The following PNPLA8 variants were observed in gnomAD, a reference collection of about 807,000 sequenced individuals.
PNPLA8 encodes patatin like domain 8, phospholipase A2, also known as calcium-independent phospholipase A2-gamma.
A neutral mutation model predicts 76.9 loss-of-function variants in PNPLA8; 39 were observed. That is an observed-to-expected ratio of 0.51 (90% CI 0.39 to 0.66). PNPLA8 has a LOEUF of 0.66. Among genes scored for constraint, PNPLA8 ranks in the 30% least tolerant of loss-of-function variants. The pLI is 0.00. For synonymous variants in PNPLA8, 301 were observed against 307.9 expected, an observed-to-expected ratio of 0.98 and a Z score of 0.24; for missense variants, 887 against 918.0, an observed-to-expected ratio of 0.97 and a Z score of 0.44.
chr7:108,513,478 A>G (rs2154516617), intron 4 of PNPLA8, among the ~76,000 whole-genome samples: 1 of 152,214 alleles, frequency 6.6e-6, no homozygotes, highest in South Asian at 2.1e-4. Flanking sequence ...ATAAGCACTA[A>G]TAGATTTCTA....
At position 108,471,965 on chromosome 7, in the gene PNPLA8, T is replaced by C. The variant is rs1021210334; in HGVS notation, c.*436A>G. The C allele has an allele frequency of 1.3e-5, 2 of 152,546 alleles. No individual in the cohort carries two copies. Among genetic ancestry groups the C allele is most frequent in the Non-Finnish European group, 2.9e-5 (2 of 68,326 alleles). The allele number at this position is 152,546 out of a possible 1,614,324, so 9.4% of individuals were successfully genotyped here. On this transcript the variant is annotated 3_prime_UTR_variant, in exon 11 of 11. Coordinates refer to ENST00000257694, the MANE Select transcript of PNPLA8 (RefSeq NM_001256007.3). ...GAACATAGCTAGTGAGAATATTAGG[T>C]AATGTAAATTTAAGAAGAAATTAGC...
At chr7:108,495,705 G>A (rs1861496976) in intron 7 of PNPLA8, among the ~76,000 whole-genome samples, 1 of 151,996 alleles carries the variant, frequency 6.6e-6, no homozygotes, top group South Asian at 2.1e-4. Context: ...TGACAGCATT[G>A]TTCATAATCC....
At chr7:108,507,695 A>T (rs71568526) in intron 4 of PNPLA8, among the ~76,000 whole-genome samples, 2,811 of 152,056 alleles carry the variant, frequency 0.018, 45 homozygotes, top group Middle Eastern at 0.031. Context: ...AGTCCATAAT[A>T]TTTTTTTTAA....
intron 9 of PNPLA8, among the ~76,000 whole-genome samples, chr7:108,479,736 A>T (rs907513445): frequency 6.6e-6 from 1 of 152,224 alleles, no homozygotes; most frequent in Non-Finnish European, 1.5e-5. Context: ...TCTACCAAAC[A>T]ATTAAAATTA....
Position 108,514,178 on chromosome 7 carries a change from A to G in PNPLA8, c.1172T>C (p.Leu391Pro), listed in dbSNP as rs1863126584. ...TRVEELTFHL[L>P]EFPEGKGVAV... ...CACTCCTTTTCCTTCAGGAAATTCT[A>G]GAAGATGAAAAGTCAGTTCTTCAAC... The change falls in exon 4 of 11, where the codon CTA (leucine) becomes CCA (proline). Residue 391 changes from leucine (L) to proline (P), a missense_variant. Transcript: ENST00000257694. 6.2e-7 allele frequency: 1 copy of G among 1,607,354 alleles called. No homozygotes were observed. Among genetic ancestry groups the G allele is most frequent in the Non-Finnish European group, 8.5e-7 (1 of 1,175,198 alleles).
At chr7:108,499,184 C>G (rs1388816552) in intron 5 of PNPLA8, among the ~76,000 whole-genome samples, 1 of 152,092 alleles carries the variant, frequency 6.6e-6, no homozygotes, top group African/African-American at 2.4e-5. Flanking sequence ...TATGTTCACA[C>G]AGAAAAAGAT....
At chr7:108,517,514 T>C (rs1484901484) in intron 2 of PNPLA8, among the ~76,000 whole-genome samples, 1 of 152,182 alleles carries the variant, frequency 6.6e-6, no homozygotes, top group Non-Finnish European at 1.5e-5. Context: ...TGTATTTTAG[T>C]AAGTGAATGG....
intron 5 of PNPLA8, among the ~76,000 whole-genome samples, chr7:108,501,741 T>C (rs1695915917): frequency 6.6e-6 from 1 of 152,082 alleles, no homozygotes; most frequent in South Asian, 2.1e-4. Flanking sequence ...GGAGAATCGC[T>C]TGAACTTGGG....
chr7:108,488,195 A>G (rs574588471), intron 8 of PNPLA8, among the ~76,000 whole-genome samples: 1 of 152,332 alleles, frequency 6.6e-6, no homozygotes, highest in East Asian at 1.9e-4. Context: ...GATTTATTTG[A>G]CCATTACTCA....
chr7:108,515,341 G>A lies in PNPLA8; in HGVS notation c.151C>T (p.His51Tyr). The change falls in exon 3 of 11, where the codon CAT (histidine) becomes TAT (tyrosine). Residue 51 changes from histidine to tyrosine, a missense_variant. His to Tyr is a moderately conservative substitution (Grantham distance 83). Coordinates refer to ENST00000257694, the MANE Select transcript of PNPLA8 (RefSeq NM_001256007.3). The part of the protein sequence containing the change: ...ISHISLQRGF[H>Y]TNIIRCKWTK... ...CATTTACATCTTATTATGTTTGTAT[G>A]AAAACCTCTTTGTAGACTGATGTGG... 1 of 1,613,620 alleles carries A rather than the reference G, an allele frequency of 6.2e-7. No homozygotes were observed. The highest frequency in any genetic ancestry group is 8.5e-7 in the Non-Finnish European group (1 of 1,179,784).
upstream of PNPLA8, among the ~76,000 whole-genome samples, chr7:108,526,643 C>G (rs148112532): frequency 9.9e-4 from 151 of 152,348 alleles, 1 homozygote; most frequent in South Asian, 7.5e-3. Context: ...GCCCCTTTCT[C>G]TATATCCATT....
At chr7:108,494,510 A>G (rs1218469406) in intron 7 of PNPLA8, among the ~76,000 whole-genome samples, 2 of 152,228 alleles carry the variant, frequency 1.3e-5, no homozygotes, top group Non-Finnish European at 1.5e-5. Context: ...AATGGCCTCC[A>G]GCTCCAACCA....
At chr7:108,527,164 C>T (rs1331368571), upstream of PNPLA8, among the ~76,000 whole-genome samples, 2 of 152,166 alleles carry the variant, frequency 1.3e-5, no homozygotes. Context: ...TACCCACTAC[C>T]CATGGGTATG....
intron 2 of PNPLA8, among the ~76,000 whole-genome samples, chr7:108,518,650 C>T (rs1004816560): frequency 3.4e-5 from 5 of 148,016 alleles, no homozygotes; most frequent in African/African-American, 1.0e-4. Flanking sequence ...TCCTGTGAAC[C>T]TAAAAACTAT....
intron 7 of PNPLA8, among the ~76,000 whole-genome samples, chr7:108,494,966 T>G (rs537298980): frequency 1.3e-5 from 2 of 152,298 alleles, no homozygotes; most frequent in East Asian, 3.9e-4. Context: ...AAACCTTTTT[T>G]TAAGTTTAAA....
At chr7:108,511,094 T>C in intron 4 of PNPLA8, 1 of 656,092 alleles carries the variant, frequency 1.5e-6, no homozygotes, top group East Asian at 2.8e-5. Context: ...AAATTAAGCA[T>C]TTCTCTTTCC....
At chr7:108,507,572 G>A (rs560709190) in intron 4 of PNPLA8, among the ~76,000 whole-genome samples, 4 of 152,022 alleles carry the variant, frequency 2.6e-5, no homozygotes, top group African/African-American at 9.6e-5. Flanking sequence ...GCTGAACCTG[G>A]GAGGCAGAAG....
upstream of PNPLA8, among the ~76,000 whole-genome samples, chr7:108,527,260 A>T (rs555856909): frequency 6.6e-6 from 1 of 152,282 alleles, no homozygotes; most frequent in East Asian, 1.9e-4. Context: ...TGTTACCCTG[A>T]TAGTTGTGTT....
At chr7:108,512,699 A>G (rs1027571728) in intron 4 of PNPLA8, among the ~76,000 whole-genome samples, 3 of 152,198 alleles carry the variant, frequency 2.0e-5, no homozygotes, top group African/African-American at 7.2e-5. Flanking sequence ...CGTTATATGC[A>G]ATTTGTCCAG....
Sources: allele counts gnomAD v4.1 joint callset (sites outside exome capture counted in the v4.1 genomes callset), GRCh38; gene constraint gnomAD v4.1.1; transcripts MANE v1.5; gene names NCBI Gene and HGNC (gene_info 2026-07-23, HGNC 2026-07-21).